The following MIPOL1 variants were observed in gnomAD, a reference collection of about 807,000 sequenced individuals.
MIPOL1 encodes mirror-image polydactyly 1, also known as mirror-image polydactyly gene 1 protein.
MIPOL1 carries 57 observed loss-of-function variants against 60.9 expected under a neutral mutation model. That is an observed-to-expected ratio of 0.94 (90% CI 0.76 to 1.17). The LOEUF (loss-of-function observed/expected upper bound fraction) is 1.17, where lower values mean the gene tolerates loss of function less well. Ranked by LOEUF, MIPOL1 falls within the 50% of genes most tolerant of loss-of-function variation. The pLI is 0.00. For synonymous variants in MIPOL1, 179 were observed against 168.8 expected, an observed-to-expected ratio of 1.06 and a Z score of -0.47; for missense variants, 551 against 511.6, an observed-to-expected ratio of 1.08 and a Z score of -0.74.
intron 9 of MIPOL1, among the ~76,000 whole-genome samples, chr14:37,344,641 AAGATAACATTCC>A (rs1462318532): frequency 6.6e-6 from 1 of 152,156 alleles, no homozygotes; most frequent in Non-Finnish European, 1.5e-5. Context: ...TGATATTCTA[AAGATAACATTCC>A]TGTTATCTTT....
chr14:37,264,015 G>C (rs2082691172), intron 3 of MIPOL1, among the ~76,000 whole-genome samples: 1 of 152,100 alleles, frequency 6.6e-6, no homozygotes, highest in South Asian at 2.1e-4. Flanking sequence ...TCTGTATGCA[G>C]TTCTTTTTAA....
At chr14:37,256,874 T>C (rs1975026510) in intron 3 of MIPOL1, among the ~76,000 whole-genome samples, 1 of 151,910 alleles carries the variant, frequency 6.6e-6, no homozygotes, top group Non-Finnish European at 1.5e-5. Context: ...ATGAACACAT[T>C]ACCAAAAAAC....
intron 3 of MIPOL1, among the ~76,000 whole-genome samples, chr14:37,262,047 GA>G (rs34034928): frequency 0.3 from 45,991 of 151,608 alleles, 7,199 homozygotes; most frequent in East Asian, 0.46. Context: ...TATGTGGGGG[GA>G]AAAACACATA....
Position 37,453,718 on chromosome 14 carries a change from ATAAGT to A in MIPOL1, c.1031+30773_1031+30777del, listed in dbSNP as rs2153576847. Among the ~76,000 whole-genome samples the A allele has an allele frequency of 2.6e-5, 4 of 152,346 alleles. No homozygotes were observed. The South Asian group carries it at 8.3e-4, about 32-fold the overall frequency. On this transcript the variant is annotated intron_variant, in intron 11 of 12. Transcript: ENST00000684589. ...ACATTTGGAATTAAACCTTAAAAAAATAAGTTAAACAGAATTAGCCAAAGTAACAT... is the reference window on the plus strand; with the variant it reads ...ACATTTGGAATTAAACCTTAAAAAAATAAACAGAATTAGCCAAAGTAACAT...
intron 7 of MIPOL1, among the ~76,000 whole-genome samples, chr14:37,295,512 G>A (rs564292234): frequency 2.6e-4 from 40 of 152,164 alleles, no homozygotes; most frequent in Admixed American, 5.9e-4. Flanking sequence ...AGACTGGCAA[G>A]TTGGATAAAG....
intron 11 of MIPOL1, among the ~76,000 whole-genome samples, chr14:37,469,226 G>A (rs868095409): frequency 6.6e-6 from 1 of 152,276 alleles, no homozygotes; most frequent in African/African-American, 2.4e-5. Flanking sequence ...AAGCATAGTG[G>A]CATCTGCTTC....
chr14:37,231,391 A>AT (rs1176510475), intron 1 of MIPOL1, among the ~76,000 whole-genome samples: 1 of 152,154 alleles, frequency 6.6e-6, no homozygotes, highest in Non-Finnish European at 1.5e-5. Flanking sequence ...CCCAGCTAAT[A>AT]TTTTCAATAT....
chr14:37,465,842 A>G (rs1378411314), intron 11 of MIPOL1, among the ~76,000 whole-genome samples: 1 of 152,194 alleles, frequency 6.6e-6, no homozygotes, highest in Non-Finnish European at 1.5e-5. Flanking sequence ...GTAAGCATTA[A>G]ATTAGTGTAA....
chr14:37,447,047 A>C (rs940699052), intron 11 of MIPOL1, among the ~76,000 whole-genome samples: 1 of 151,994 alleles, frequency 6.6e-6, no homozygotes, highest in African/African-American at 2.4e-5. Context: ...CACATTGTGC[A>C]CATGTACCCT....
intron 9 of MIPOL1, among the ~76,000 whole-genome samples, chr14:37,309,008 C>T (rs1011576834): frequency 6.6e-6 from 1 of 152,130 alleles, no homozygotes. Flanking sequence ...TTACCTCCCT[C>T]AGGCCACTGC....
chr14:37,304,826 C>T lies in MIPOL1; in HGVS notation c.624-3230C>T, dbSNP rs1181922548. Among the ~76,000 whole-genome samples, 3 of 151,762 alleles carry T rather than the reference C, an allele frequency of 2.0e-5. No homozygotes were observed. The East Asian group carries it at 5.8e-4, about 29-fold the overall frequency. The stretch of plus-strand genomic sequence containing the variant: ...AACTTGAGCCCATAGACATTTACTT[C>T]AGCAAAATTCTTACTAATTATCATG... On this transcript the variant is annotated intron_variant, in intron 7 of 12. Transcript: ENST00000684589.
chr14:37,233,416 A>C (rs1208909804), intron 1 of MIPOL1, among the ~76,000 whole-genome samples: 3 of 152,248 alleles, frequency 2.0e-5, no homozygotes, highest in Non-Finnish European at 4.4e-5. Context: ...TGGAATTAAA[A>C]GATAAAAAAT....
At chr14:37,359,332 C>T (rs2092075280) in intron 9 of MIPOL1, among the ~76,000 whole-genome samples, 2 of 152,102 alleles carry the variant, frequency 1.3e-5, no homozygotes, top group South Asian at 2.1e-4. Context: ...TTTTTGGTTC[C>T]ATATGAACTT....
At chr14:37,353,562 T>G (rs1419970267) in intron 9 of MIPOL1, among the ~76,000 whole-genome samples, 1 of 151,986 alleles carries the variant, frequency 6.6e-6, no homozygotes, top group Non-Finnish European at 1.5e-5. Context: ...GGTAAGCTAT[T>G]GATTATTGCC....
Position 37,281,456 on chromosome 14 carries a change from A to G in MIPOL1, c.494-3862A>G, listed in dbSNP as rs572900695. 6.6e-5 allele frequency among the ~76,000 whole-genome samples: 10 copies of G among 152,142 alleles called. No homozygotes were observed. In the East Asian group the frequency reaches 1.9e-3, roughly 29 times the overall value. On this transcript the variant is annotated intron_variant, in intron 6 of 12. Transcript: ENST00000684589. ...GTCTTGCTCTGTCGCCCAGGCTGGAATACAGTGGCACGATCTCAGCTTACT... is the reference window on the plus strand; with the variant it reads ...GTCTTGCTCTGTCGCCCAGGCTGGAGTACAGTGGCACGATCTCAGCTTACT...
At chr14:37,312,080 A>T (rs930912334) in intron 9 of MIPOL1, among the ~76,000 whole-genome samples, 12 of 152,168 alleles carry the variant, frequency 7.9e-5, no homozygotes, top group African/African-American at 2.9e-4. Context: ...AGAATACCAC[A>T]GGGATTTTGC....
intron 10 of MIPOL1, among the ~76,000 whole-genome samples, chr14:37,383,558 T>G (rs1179487541): frequency 1.3e-5 from 2 of 151,888 alleles, no homozygotes. Context: ...GGTGCCTCTT[T>G]TAAAAATTTT....
At chr14:37,209,855 C>T (rs968009953) in intron 1 of MIPOL1, among the ~76,000 whole-genome samples, 1 of 151,790 alleles carries the variant, frequency 6.6e-6, no homozygotes, top group Non-Finnish European at 1.5e-5. Flanking sequence ...AAGTGTGCCA[C>T]CACACCTGGC....
chr14:37,498,320 TAAC>T (rs2095164192), intron 11 of MIPOL1, among the ~76,000 whole-genome samples: 1 of 152,204 alleles, frequency 6.6e-6, no homozygotes, highest in African/African-American at 2.4e-5. Context: ...AAAACGTAAT[TAAC>T]AATTAAAATA....
Sources: gnomAD v4.1 joint callset for allele counts (sites outside exome capture counted in the v4.1 genomes callset) on GRCh38, gnomAD v4.1.1 for gene constraint, MANE v1.5 for transcripts, NCBI Gene and HGNC (gene_info 2026-07-23, HGNC 2026-07-21) for gene names.